The following SLC35G1 variants were observed in gnomAD, a reference collection of about 807,000 sequenced individuals.
SLC35G1 encodes the protein solute carrier family 35 member G1, also known as partner of STIM1.
A neutral mutation model predicts 17.1 loss-of-function variants in SLC35G1; 10 were observed. The observed-to-expected ratio is 0.59, with a 90% CI of 0.36 to 0.99. The LOEUF (loss-of-function observed/expected upper bound fraction) is 0.99. Among genes scored for constraint, SLC35G1 ranks in the 50% least tolerant of loss-of-function variants. The pLI, the probability that SLC35G1 is intolerant of heterozygous loss-of-function variation, is 0.01. For missense variants in SLC35G1, 433 were observed against 468.4 expected (o/e 0.92, Z 0.70); for synonymous variants, 185 against 181.1 (o/e 1.02, Z -0.18).
chr10:93,899,053 G>A (rs529243297), intron 2 of SLC35G1, among the ~76,000 whole-genome samples: 2 of 151,978 alleles, frequency 1.3e-5, no homozygotes, highest in African/African-American at 4.8e-5. Context: ...CTTTCCTTTG[G>A]CATAACTACT....
At position 93,900,819 on chromosome 10, in the gene SLC35G1, G is replaced by C; in HGVS notation, c.427G>C (p.Ala143Pro). Reference sequence around the variant, plus strand: ...TCTCAGAGGAGTCCTTGGTTCTACCGCCATGATGCTTATATACTATGCTTA... The same window carrying C: ...TCTCAGAGGAGTCCTTGGTTCTACCCCCATGATGCTTATATACTATGCTTA... ...LILRGVLGST[A>P]MMLIYYAYQT... The change falls in exon 3 of 3, where the codon GCC (alanine) becomes CCC (proline). Residue 143 changes from alanine to proline, a missense_variant. Transcript: ENST00000427197. The C allele has an allele frequency of 6.2e-7, 1 of 1,613,864 alleles. No individual in the cohort carries two copies. The highest frequency in any genetic ancestry group is 8.5e-7 in the Non-Finnish European group (1 of 1,179,874).
intron 1 of SLC35G1, 78 bp from the exon 2 acceptor site, chr10:93,898,493 A>T: frequency 6.9e-7 from 1 of 1,446,280 alleles, no homozygotes; most frequent in South Asian, 1.4e-5. Context: ...ACACTGTTCC[A>T]TTTTTCTCAG....
rs2060381588 is a variant in SLC35G1 at position 93,901,268 on chromosome 10, G to T, written c.876G>T (p.Gly292=). The part of the protein sequence containing the change: ...GLDRLFLIFI[G]LFGLGGQIFI... ...ACAGGCTATTTCTCATATTCATTGG[G>T]CTCTTTGGTTTGGGGGGTCAGATAT... is the stretch of plus-strand genomic sequence containing the variant. The change falls in exon 3 of 3, where the codon GGG becomes GGT. Residue 292 remains glycine (G), a synonymous_variant. Coordinates refer to ENST00000427197, the MANE Select transcript of SLC35G1 (RefSeq NM_001134658.3). 6.2e-7 allele frequency: 1 copy of T among 1,613,738 alleles called. No individual in the cohort carries two copies.
In SLC35G1 at chr10:93,902,833, C is replaced by T. The variant is rs989077236; in HGVS notation, c.*1343C>T. ...ACAGCACGTTTTACACCTGGAACTT[C>T]ATCAGACCAATACTTTGCAGTTAGA... On this transcript the variant is annotated 3_prime_UTR_variant, in exon 3 of 3. Transcript: ENST00000427197. 3 of 152,706 alleles carry T rather than the reference C, an allele frequency of 2.0e-5. No homozygotes were observed. Among genetic ancestry groups the T allele is most frequent in the South Asian group, 4.1e-4 (2 of 4,824 alleles). 9.5% of individuals were successfully genotyped at this position (152,706 alleles called of 1,614,324 possible). A position where few individuals can be genotyped will look rare whatever the true frequency, so the allele number is the denominator to read the frequency against.
Position 93,901,107 on chromosome 10 carries a change from C to G in SLC35G1, c.715C>G (p.Leu239Val). 6.2e-7 allele frequency: 1 copy of G among 1,614,068 alleles called. No individual in the cohort carries two copies. The highest frequency in any genetic ancestry group is 8.5e-7 in the Non-Finnish European group (1 of 1,179,938). ...IGSAVFAAST[L>V]VILRKMGKSV... ...AAGTGCCGTATTTGCTGCATCGACTCTAGTTATCCTAAGAAAAATGGGAAA... is the reference window on the plus strand; with the variant it reads ...AAGTGCCGTATTTGCTGCATCGACTGTAGTTATCCTAAGAAAAATGGGAAA... Residue 239 changes from leucine (L) to valine (V), a missense_variant, in exon 3 of 3, where the codon CTA (leucine) becomes GTA (valine). Physicochemically the swap from Leu to Val is conservative, Grantham distance 32. Coordinates refer to ENST00000427197, the MANE Select transcript of SLC35G1 (RefSeq NM_001134658.3).
At position 93,901,044 on chromosome 10, in the gene SLC35G1, T is replaced by C. The variant is rs375266729; in HGVS notation, c.652T>C (p.Tyr218His). 4 of 1,613,932 alleles carry C rather than the reference T, an allele frequency of 2.5e-6. No homozygotes were observed. In the African/African-American group the frequency reaches 5.3e-5, roughly 22 times the overall value. The change falls in exon 3 of 3, where the codon TAT (tyrosine) becomes CAT (histidine). Residue 218 changes from tyrosine (Y) to histidine (H), a missense_variant. Tyr to His is a moderately conservative substitution (Grantham distance 83). Coordinates refer to ENST00000427197, the MANE Select transcript of SLC35G1 (RefSeq NM_001134658.3). The stretch of plus-strand genomic sequence containing the variant: ...CGACACTTCGGGGATGGAAGAAAGC[T>C]ATTCAGGCCACCTTAAGGGAACATT... Reference protein sequence around the residue: ...GSDTSGMEESYSGHLKGTFAA... With the variant: ...GSDTSGMEESHSGHLKGTFAA...
At position 93,894,057 on chromosome 10, in the gene SLC35G1, G is replaced by C; in HGVS notation, c.24G>C (p.Gly8=). The C allele has an allele frequency of 6.7e-7, 1 of 1,482,082 alleles. No individual in the cohort carries two copies. Among genetic ancestry groups the C allele is most frequent in the Non-Finnish European group, 8.9e-7 (1 of 1,124,560 alleles). The allele number at this position is 1,482,082 out of a possible 1,614,324, so 91.8% of individuals were successfully genotyped here. A position where few individuals can be genotyped will look rare whatever the true frequency, so the allele number is the denominator to read the frequency against. The part of the protein sequence containing the change: MRPQDST[G]VAELQEPGLP... Reference sequence around the variant, plus strand: ...AGATGCGGCCTCAGGACAGCACCGGGGTCGCGGAGCTCCAGGAGCCCGGGC... The same window carrying C: ...AGATGCGGCCTCAGGACAGCACCGGCGTCGCGGAGCTCCAGGAGCCCGGGC... Residue 8 remains glycine (G), a synonymous_variant, in exon 1 of 3, where the codon GGG becomes GGC. Transcript: ENST00000427197.
chr10:93,894,426 T>A (rs551952369), intron 1 of SLC35G1, among the ~76,000 whole-genome samples: 1 of 152,248 alleles, frequency 6.6e-6, no homozygotes, highest in Non-Finnish European at 1.5e-5. Flanking sequence ...AACTTTCCGA[T>A]TGTTAGCAGT....
At chr10:93,897,639 G>T (rs1025955119) in intron 1 of SLC35G1, among the ~76,000 whole-genome samples, 1 of 152,310 alleles carries the variant, frequency 6.6e-6, no homozygotes, top group African/African-American at 2.4e-5. Flanking sequence ...ACTGAAAGCA[G>T]GTTCTACTCC....
At chr10:93,899,518 G>T (rs1327874639) in intron 2 of SLC35G1, among the ~76,000 whole-genome samples, 2 of 152,172 alleles carry the variant, frequency 1.3e-5, no homozygotes, top group Admixed American at 6.5e-5. Flanking sequence ...AGCGAGACCA[G>T]TTGGGTCCTT....
At position 93,898,730 on chromosome 10, in the gene SLC35G1, T is replaced by C; in HGVS notation, c.338T>C (p.Ile113Thr). ...TGTGTGTTCCAAATGCTAGTTGTTA[T>C]CCCTTGCTTAATATACAGAAAGTAA... Reference protein sequence around the residue: ...FRCVFQMLVVIPCLIYRKTGF... With the variant: ...FRCVFQMLVVTPCLIYRKTGF... Residue 113 changes from isoleucine (I) to threonine (T), a missense_variant, in exon 2 of 3, where the codon ATC becomes ACC. Physicochemically the swap from Ile to Thr is moderately conservative, Grantham distance 89 (BLOSUM62 -1). Transcript: ENST00000427197. 6.2e-7 allele frequency: 1 copy of C among 1,606,168 alleles called. No individual in the cohort carries two copies. Among genetic ancestry groups the C allele is most frequent in the Non-Finnish European group, 8.5e-7 (1 of 1,177,958 alleles).
intron 1 of SLC35G1, among the ~76,000 whole-genome samples, chr10:93,895,870 C>T (rs1486551894): frequency 2.0e-5 from 3 of 152,182 alleles, no homozygotes; most frequent in Non-Finnish European, 2.9e-5. Flanking sequence ...TTTCTTAGGC[C>T]TGTGCCTCAC....
rs981736333 is a variant in SLC35G1 at position 93,902,795 on chromosome 10, G to A, written c.*1305G>A. On this transcript the variant is annotated 3_prime_UTR_variant, in exon 3 of 3. Transcript: ENST00000427197. ...CATGATGCAGCACCATGACACTAAC[G>A]CCATGAATTCAAACAGCACGTTTTA... The A allele has an allele frequency of 2.0e-5, 3 of 152,574 alleles. No individual in the cohort carries two copies. The highest frequency in any genetic ancestry group is 4.8e-5 in the African/African-American group (2 of 41,430). 9.5% of individuals were successfully genotyped at this position (152,574 alleles called of 1,614,324 possible).
chr10:93,894,099 T>C lies in SLC35G1; in HGVS notation c.66T>C (p.Asp22=), dbSNP rs1322271530. ...LQEPGLPLTD[D]APPGATEEPA... ...AGCCCGGGCTGCCGCTAACGGACGATGCACCCCCGGGCGCCACTGAGGAGC... is the reference window on the plus strand; with the variant it reads ...AGCCCGGGCTGCCGCTAACGGACGACGCACCCCCGGGCGCCACTGAGGAGC... Residue 22 remains aspartate, a synonymous_variant, in exon 1 of 3, where the codon GAT becomes GAC. Coordinates refer to ENST00000427197, the MANE Select transcript of SLC35G1 (RefSeq NM_001134658.3). 1 of 1,486,560 alleles carries C rather than the reference T, an allele frequency of 6.7e-7. No individual in the cohort carries two copies. The highest frequency in any genetic ancestry group is 2.2e-5 in the Admixed American group (1 of 44,772). 92.1% of individuals were successfully genotyped at this position (1,486,560 alleles called of 1,614,324 possible). A position where few individuals can be genotyped will look rare whatever the true frequency, so the allele number is the denominator to read the frequency against.
downstream of SLC35G1, chr10:93,907,268 T>C (rs2060434855): frequency 6.6e-6 from 1 of 152,124 alleles, no homozygotes; most frequent in African/African-American, 2.4e-5. Flanking sequence ...GTTTATGTGC[T>C]TTAGTTCCTT....
At chr10:93,907,349 G>A (rs1391356873), downstream of SLC35G1, 1 of 152,180 alleles carries the variant, frequency 6.6e-6, no homozygotes, top group South Asian at 2.1e-4. Context: ...ACAACTTCTA[G>A]GAAGGGCAAT....
chr10:93,904,558 G>C (rs917259432), downstream of SLC35G1, among the ~76,000 whole-genome samples: 1 of 152,072 alleles, frequency 6.6e-6, no homozygotes, highest in African/African-American at 2.4e-5. Flanking sequence ...ACCCTCTAAG[G>C]CCTGTTAGCC....
At position 93,893,999 on chromosome 10, in the gene SLC35G1, A is replaced by C; in HGVS notation, c.-35A>C. On this transcript the variant is annotated 5_prime_UTR_variant, in exon 1 of 3. Coordinates refer to ENST00000427197, the MANE Select transcript of SLC35G1 (RefSeq NM_001134658.3). ...GCCCAGGCGCTGCTGCTGGCGCCAG[A>C]CGGCACCGGCCGCTGGTAGAGCGCG... The C allele has an allele frequency of 7.4e-7, 1 of 1,345,842 alleles. No individual in the cohort carries two copies. Among genetic ancestry groups the C allele is most frequent in the Non-Finnish European group, 9.5e-7 (1 of 1,053,132 alleles). The allele number at this position is 1,345,842 out of a possible 1,614,324, so 83.4% of individuals were successfully genotyped here. A position where few individuals can be genotyped will look rare whatever the true frequency, so the allele number is the denominator to read the frequency against.
At chr10:93,904,388 A>C (rs555680601), downstream of SLC35G1, among the ~76,000 whole-genome samples, 8 of 152,050 alleles carry the variant, frequency 5.3e-5, no homozygotes, top group Non-Finnish European at 1.0e-4. Flanking sequence ...TACACACCAT[A>C]TCACATCAAA....
Sources: allele counts gnomAD v4.1 joint callset (sites outside exome capture counted in the v4.1 genomes callset), GRCh38; gene constraint gnomAD v4.1.1; transcripts MANE v1.5; gene names NCBI Gene and HGNC (gene_info 2026-07-23, HGNC 2026-07-21).